The following NTMT1 variants were observed in gnomAD, a reference collection of about 807,000 sequenced individuals.
NTMT1 encodes N-terminal RCC1 methyltransferase.
A neutral mutation model predicts 17.5 loss-of-function variants in NTMT1; 8 were observed. The observed-to-expected ratio is 0.46, with a 90% CI of 0.27 to 0.82. The LOEUF (loss-of-function observed/expected upper bound fraction) is 0.82. Ranked by LOEUF, NTMT1 falls within the 40% of genes least tolerant of loss-of-function variation. The probability of loss-of-function intolerance (pLI) is 0.15; values close to 1 mark genes in which losing one functional copy is unlikely to be tolerated. For synonymous variants in NTMT1, 128 were observed against 126.8 expected, an observed-to-expected ratio of 1.01 and a Z score of -0.06; for missense variants, 221 against 303.5, an observed-to-expected ratio of 0.73 and a Z score of 2.02.
chr9:129,635,128 C>T, intron 3 of NTMT1, 80 bp from the exon 4 acceptor site: 37 of 1,510,562 alleles, frequency 2.4e-5, no homozygotes, highest in South Asian at 6.2e-5. Flanking sequence ...AGGGGCTCAG[C>T]GGGGCTGAGA....
chr9:129,614,639 C>T lies in NTMT1; in HGVS notation c.-55+5461C>T, dbSNP rs1830261446. 2.0e-5 allele frequency among the ~76,000 whole-genome samples: 3 copies of T among 152,198 alleles called. No individual in the cohort carries two copies. Among genetic ancestry groups the T allele is most frequent in the South Asian group, 2.1e-4 (1 of 4,830 alleles). ...CTGGGAATGGCCAGGCGCGGTGGCT[C>T]ATGCCTGTAATCCCAGCACTTTGGG... On this transcript the variant is annotated intron_variant, in intron 1 of 3. Coordinates refer to the NTMT1 transcript ENST00000372486. This position sits in a 1 kb window ranked among gnomAD's most constrained non-coding sequence, Gnocchi z 4.4.
chr9:129,623,784 G>A (rs1027525188), upstream of NTMT1, among the ~76,000 whole-genome samples: 2 of 149,642 alleles, frequency 1.3e-5, no homozygotes, highest in Non-Finnish European at 3.0e-5. Flanking sequence ...TAATGGCTGC[G>A]AAACACCAGA....
At chr9:129,619,697 C>A (rs779759535) in intron 1 of NTMT1, 2 of 1,612,364 alleles carry the variant, frequency 1.2e-6, no homozygotes, top group Non-Finnish European at 1.7e-6. Context: ...CTGGAAACAT[C>A]GATGGCAACC....
Position 129,634,051 on chromosome 9 carries a change from C to T in NTMT1, c.163-3C>T. 1 of 1,612,976 alleles carries T rather than the reference C, an allele frequency of 6.2e-7. No homozygotes were observed. Among genetic ancestry groups the T allele is most frequent in the Non-Finnish European group, 8.5e-7 (1 of 1,179,240 alleles). On this transcript the variant is annotated splice_region_variant and splice_polypyrimidine_tract_variant and intron_variant, in intron 2 of 3. Coordinates refer to ENST00000372483, the MANE Select transcript of NTMT1 (RefSeq NM_014064.4). ...TGATAGGTTATATGCCTCTGCTTTT[C>T]AGGAAGGCCCGAACAAGACAGGAAC... is the stretch of plus-strand genomic sequence containing the variant.
intron 1 of NTMT1, among the ~76,000 whole-genome samples, chr9:129,616,500 G>A (rs1162814309): frequency 2.6e-5 from 4 of 152,160 alleles, no homozygotes; most frequent in Non-Finnish European, 5.9e-5. Flanking sequence ...ACAGGCATGA[G>A]CCACCGCCCG....
rs1164038587 is a variant in NTMT1 at position 129,620,941 on chromosome 9, A to T, written c.-54-11709A>T. 6.6e-6 allele frequency among the ~76,000 whole-genome samples: 1 copy of T among 152,168 alleles called. No individual in the cohort carries two copies. Among genetic ancestry groups the T allele is most frequent in the Non-Finnish European group, 1.5e-5 (1 of 68,026 alleles). On this transcript the variant is annotated intron_variant, in intron 1 of 3. Coordinates refer to the NTMT1 transcript ENST00000372486. The surrounding 1 kb of genome is among the most constrained non-coding windows in gnomAD (Gnocchi z 5.8). ...TATTTCAAAGTTATTATTATTTAGG[A>T]TTTAGTCCCAGCTCCACCACTTATT...
chr9:129,615,466 C>T lies in NTMT1; in HGVS notation c.-55+6288C>T, dbSNP rs751071708. 4 of 1,565,596 alleles carry T rather than the reference C, an allele frequency of 2.6e-6. No individual in the cohort carries two copies. In the Admixed American group the frequency reaches 5.5e-5, roughly 22 times the overall value. On this transcript the variant is annotated intron_variant, in intron 1 of 3. Coordinates refer to the NTMT1 transcript ENST00000372486. The stretch of plus-strand genomic sequence containing the variant: ...AGAACTTTCGGGAGTCTCGAGGCTC[C>T]CCATCCTGTCTGCTTACCTGAGCGT...
intron 1 of NTMT1, chr9:129,619,575 G>A (rs1341138107): frequency 6.2e-7 from 1 of 1,614,030 alleles, no homozygotes; most frequent in East Asian, 2.2e-5. Flanking sequence ...AGGGGCCCCA[G>A]AATAGGTGTC....
rs1470523296 is a variant in NTMT1, at chr9:129,620,305, G to T, written c.-55+11127G>T. On this transcript the variant is annotated intron_variant, in intron 1 of 3. Coordinates refer to the NTMT1 transcript ENST00000372486. The surrounding 1 kb of genome is among the most constrained non-coding windows in gnomAD (Gnocchi z 5.8). ...ACCGCAGCAGCCCCCGCTTCCGCACGGCCCGCCGGGTCGCGGTGAGCAAGG... is the reference window on the plus strand; with the variant it reads ...ACCGCAGCAGCCCCCGCTTCCGCACTGCCCGCCGGGTCGCGGTGAGCAAGG... 2.4e-6 allele frequency: 3 copies of T among 1,247,280 alleles called. No individual in the cohort carries two copies. Among genetic ancestry groups the T allele is most frequent in the East Asian group, 3.2e-5 (1 of 31,518 alleles). 77.3% of individuals were successfully genotyped at this position (1,247,280 alleles called of 1,614,324 possible).
At chr9:129,616,463 C>A (rs1318528513) in intron 1 of NTMT1, among the ~76,000 whole-genome samples, 5 of 152,112 alleles carry the variant, frequency 3.3e-5, no homozygotes, top group African/African-American at 4.8e-5. Flanking sequence ...TGATCCACCC[C>A]CCTTCGCCTT....
intron 3 of NTMT1, 35 bp downstream of exon 3, chr9:129,634,341 A>G: frequency 1.3e-6 from 2 of 1,556,552 alleles, no homozygotes; most frequent in Non-Finnish European, 1.7e-6. Flanking sequence ...GCTCACCTGT[A>G]TGTCTCCTGC....
chr9:129,630,142 C>G (rs1831087078), intron 1 of NTMT1, among the ~76,000 whole-genome samples: 1 of 152,118 alleles, frequency 6.6e-6, no homozygotes, highest in Admixed American at 6.5e-5. Context: ...TATAGTAGTG[C>G]AGAATATAGT....
intron 1 of NTMT1, among the ~76,000 whole-genome samples, chr9:129,610,212 A>G (rs1446998623): frequency 9.5e-5 from 4 of 42,186 alleles, no homozygotes; most frequent in African/African-American, 2.3e-4. Flanking sequence ...GGGAGGAGGG[A>G]GGGGGAGGGG....
At chr9:129,621,279 G>T (rs1830695828), upstream of NTMT1, among the ~76,000 whole-genome samples, 1 of 152,160 alleles carries the variant, frequency 6.6e-6, no homozygotes, top group Non-Finnish European at 1.5e-5. Flanking sequence ...AAATACAGAT[G>T]ACTTACCCCC....
At chr9:129,619,125 TG>T (rs1293997723) in intron 1 of NTMT1, among the ~76,000 whole-genome samples, 1 of 152,038 alleles carries the variant, frequency 6.6e-6, no homozygotes, top group African/African-American at 2.4e-5. Flanking sequence ...TATGGATGGA[TG>T]GAGTCATGGG....
intron 1 of NTMT1, among the ~76,000 whole-genome samples, chr9:129,611,070 C>A (rs1177729924): frequency 6.6e-6 from 1 of 152,208 alleles, no homozygotes; most frequent in Admixed American, 6.5e-5. Flanking sequence ...TATTGCCCTT[C>A]TTCTGGAGTT....
chr9:129,630,968 G>C (rs1831131836), intron 1 of NTMT1, among the ~76,000 whole-genome samples: 2 of 152,230 alleles, frequency 1.3e-5, no homozygotes, highest in Non-Finnish European at 2.9e-5. Flanking sequence ...TCAGCCGAGA[G>C]TTGGTGCCCA....
At chr9:129,635,086 C>A in intron 3 of NTMT1, 122 bp from the exon 4 acceptor site, 1 of 1,143,698 alleles carries the variant, frequency 8.7e-7, no homozygotes, top group Non-Finnish European at 1.2e-6. Flanking sequence ...CCAATGAGGC[C>A]ATGTGTGCAC....
At position 129,617,125 on chromosome 9, in the gene NTMT1, C is replaced by T. The variant is rs574989455; in HGVS notation, c.-55+7947C>T. Among the ~76,000 whole-genome samples the T allele has an allele frequency of 6.2e-4, 95 of 152,298 alleles. 1 individual carries two copies. The highest frequency in any genetic ancestry group is 6.1e-3 in the Admixed American group (94 of 15,292). ...AAGGCTGCGGGAAGGCCTGCTTGAC[C>T]CACCTATAACTCTGTTATGGAGGAA... On this transcript the variant is annotated intron_variant, in intron 1 of 3. Transcript: ENST00000372486.
Sources: gnomAD v4.1 joint callset for allele counts (sites outside exome capture counted in the v4.1 genomes callset) on GRCh38, gnomAD v4.1.1 for gene constraint, Gnocchi (gnomAD v3.1) non-coding constraint, MANE v1.5 for transcripts, NCBI Gene and HGNC (gene_info 2026-07-23, HGNC 2026-07-21) for gene names.